Variants in ST3GAL1 observed in about 807,000 individuals in gnomAD.
ST3GAL1 encodes the protein CMP-N-acetylneuraminate-beta-galactosamide-alpha-2,3-sialyltransferase 1.
Under a neutral mutation model 34.1 loss-of-function variants are expected in ST3GAL1, and 16 were observed. The observed-to-expected ratio is 0.47, with a 90% CI of 0.32 to 0.71. The LOEUF (loss-of-function observed/expected upper bound fraction) is 0.71, where lower values mean the gene tolerates loss of function less well. Ranked by LOEUF, ST3GAL1 falls within the 30% of genes least tolerant of loss-of-function variation. The pLI, the probability that ST3GAL1 is intolerant of heterozygous loss-of-function variation, is 0.04. For synonymous variants in ST3GAL1, 191 were observed against 184.7 expected, an observed-to-expected ratio of 1.03 and a Z score of -0.28; for missense variants, 353 against 447.4, an observed-to-expected ratio of 0.79 and a Z score of 1.90.
At chr8:133,539,859 G>A in intron 2 of ST3GAL1, 1 of 152,314 alleles carries the variant, frequency 6.6e-6, no homozygotes, top group Non-Finnish European at 1.5e-5. Context: ...TGGCACAACT[G>A]CACTCCAGCC....
chr8:133,539,485 CTT>C (rs951534955), intron 2 of ST3GAL1, among the ~76,000 whole-genome samples: 24 of 152,342 alleles, frequency 1.6e-4, no homozygotes, highest in African/African-American at 5.1e-4. Context: ...AAAGTCATAA[CTT>C]TGCATTATTT....
rs1288214564 is a variant in ST3GAL1, at chr8:133,508,409, C to T, written c.-428-9220G>A. ...GCCGTGGGATCAGGCTGAAGGTTGA[C>T]TCTAGCTGGGAGCACATCCCTGCTC... On this transcript the variant is annotated intron_variant, in intron 2 of 9. Transcript: ENST00000522652. This position sits in a 1 kb window ranked among gnomAD's most constrained non-coding sequence, Gnocchi z 4.1. Among the ~76,000 whole-genome samples, 1 of 152,140 alleles carries T rather than the reference C, an allele frequency of 6.6e-6. No individual in the cohort carries two copies. The highest frequency in any genetic ancestry group is 2.4e-5 in the African/African-American group (1 of 41,438).
chr8:133,550,525 G>T (rs1489108767), intron 1 of ST3GAL1, among the ~76,000 whole-genome samples: 2 of 152,144 alleles, frequency 1.3e-5, no homozygotes, highest in Non-Finnish European at 2.9e-5. Flanking sequence ...TTAGACCCGG[G>T]GTTCAGTGTT....
At chr8:133,540,522 C>T (rs1335763050) in intron 2 of ST3GAL1, among the ~76,000 whole-genome samples, 1 of 152,050 alleles carries the variant, frequency 6.6e-6, no homozygotes, top group Non-Finnish European at 1.5e-5. Flanking sequence ...AAGACTGAAT[C>T]AGTCCCTGTG....
At chr8:133,488,420 A>G (rs1816680503) in intron 3 of ST3GAL1, 1 of 152,258 alleles carries the variant, frequency 6.6e-6, no homozygotes, top group Admixed American at 6.5e-5. Context: ...GAAGGCCTTA[A>G]GGGCAAAAAC....
chr8:133,477,540 C>T (rs1816225095), intron 3 of ST3GAL1, among the ~76,000 whole-genome samples: 1 of 145,840 alleles, frequency 6.9e-6, no homozygotes, highest in African/African-American at 2.6e-5. Flanking sequence ...GTTGGGGGAC[C>T]AGGAACAGGG....
intron 7 of ST3GAL1, among the ~76,000 whole-genome samples, 176 bp downstream of exon 7, chr8:133,464,602 G>A (rs928882141): frequency 2.0e-5 from 3 of 152,202 alleles, no homozygotes; most frequent in Non-Finnish European, 2.9e-5. Context: ...GTGATAGGGA[G>A]AGAAGAGTTG....
At chr8:133,558,441 T>A (rs1014072290) in intron 1 of ST3GAL1, among the ~76,000 whole-genome samples, 3 of 152,192 alleles carry the variant, frequency 2.0e-5, no homozygotes, top group Admixed American at 1.3e-4. Context: ...CTAATACTTT[T>A]ATGAGTAAAT....
intron 2 of ST3GAL1, among the ~76,000 whole-genome samples, chr8:133,536,625 T>C (rs1323930234): frequency 6.6e-6 from 1 of 152,186 alleles, no homozygotes; most frequent in African/African-American, 2.4e-5. Context: ...CTGGCTCCTG[T>C]TCCTGCAGCT....
chr8:133,526,540 A>C (rs2131036522), intron 2 of ST3GAL1, among the ~76,000 whole-genome samples: 1 of 152,280 alleles, frequency 6.6e-6, no homozygotes, highest in East Asian at 1.9e-4. Flanking sequence ...TCAGGGACCT[A>C]ATGGCTTGTG....
intron 2 of ST3GAL1, among the ~76,000 whole-genome samples, chr8:133,539,484 AC>A (rs1818404925): frequency 6.6e-6 from 1 of 152,212 alleles, no homozygotes; most frequent in African/African-American, 2.4e-5. Context: ...CAAAGTCATA[AC>A]TTTGCATTAT....
chr8:133,553,086 CG>C (rs1586664497), intron 1 of ST3GAL1, among the ~76,000 whole-genome samples: 1 of 152,084 alleles, frequency 6.6e-6, no homozygotes, highest in Non-Finnish European at 1.5e-5. Context: ...AATGTAGAGA[CG>C]GCGCCAGGGC....
chr8:133,528,062 C>T (rs1259250801), intron 2 of ST3GAL1, among the ~76,000 whole-genome samples: 2 of 151,710 alleles, frequency 1.3e-5, no homozygotes, highest in African/African-American at 2.4e-5. Context: ...GTAGTAGCAG[C>T]TACTTGGGAG....
chr8:133,505,644 C>T (rs1347936462), intron 2 of ST3GAL1, among the ~76,000 whole-genome samples: 1 of 151,760 alleles, frequency 6.6e-6, no homozygotes, highest in Admixed American at 6.6e-5. Context: ...CTCTTGTCGC[C>T]CAGGGTGGAG....
intron 2 of ST3GAL1, among the ~76,000 whole-genome samples, chr8:133,534,273 C>A (rs1818241668): frequency 6.6e-6 from 1 of 152,074 alleles, no homozygotes. Flanking sequence ...ACATGAATGC[C>A]ATTTCTTCAT....
In ST3GAL1 at chr8:133,465,945, A is replaced by T; in HGVS notation, c.452T>A (p.Leu151Gln). 1 of 1,614,200 alleles carries T rather than the reference A, an allele frequency of 6.2e-7. No individual in the cohort carries two copies. Among genetic ancestry groups the T allele is most frequent in the South Asian group, 1.1e-5 (1 of 91,090 alleles). Residue 151 changes from leucine (L) to glutamine (Q), a missense_variant, in exon 6 of 10, where the codon CTG becomes CAG. Transcript: ENST00000522652. ...CTCAGGCCCATAAGAAGACTCCCTC[A>T]GGTTGCCCGAGTTGCCCACAACGGC... ...RCAVVGNSGN[L>Q]RESSYGPEID...
intron 2 of ST3GAL1, among the ~76,000 whole-genome samples, chr8:133,522,397 C>T (rs947966283): frequency 1.1e-4 from 16 of 152,306 alleles, no homozygotes; most frequent in African/African-American, 3.6e-4. Flanking sequence ...AGCCCCATCA[C>T]AGGCACAGTG....
chr8:133,476,170 G>T, intron 4 of ST3GAL1, 96 bp from the exon 5 acceptor site: 1 of 879,714 alleles, frequency 1.1e-6, no homozygotes, highest in Non-Finnish European at 1.7e-6. Flanking sequence ...GGGCCGCTAA[G>T]CTCGACTTCA....
chr8:133,479,417 C>A (rs1296744200), intron 3 of ST3GAL1, among the ~76,000 whole-genome samples: 3 of 152,164 alleles, frequency 2.0e-5, no homozygotes, highest in Non-Finnish European at 4.4e-5. Flanking sequence ...ACTAAGTTTT[C>A]TCTGGGTGAC....
Sources: allele counts gnomAD v4.1 joint callset (sites outside exome capture counted in the v4.1 genomes callset), GRCh38; gene constraint gnomAD v4.1.1; non-coding constraint Gnocchi (gnomAD v3.1); transcripts MANE v1.5; gene names NCBI Gene and HGNC (gene_info 2026-07-23, HGNC 2026-07-21).